RAB12: variants seen among roughly 807,000 people sequenced by gnomAD.
The protein encoded by RAB12 is RAB12, member RAS oncogene family, also known as ras-related protein Rab-12.
A neutral mutation model predicts 28.4 loss-of-function variants in RAB12; 11 were observed. That is an observed-to-expected ratio of 0.39 (90% CI 0.24 to 0.64). RAB12 has a LOEUF of 0.64. Among genes scored for constraint, RAB12 ranks in the 30% least tolerant of loss-of-function variants. The pLI, the probability that RAB12 is intolerant of heterozygous loss-of-function variation, is 0.50. For missense variants in RAB12, 276 were observed against 351.1 expected, an observed-to-expected ratio of 0.79 and a Z score of 1.71; for synonymous variants, 138 against 145.3, an observed-to-expected ratio of 0.95 and a Z score of 0.36.
At chr18:8,612,540 A>C (rs886554283) in intron 1 of RAB12, among the ~76,000 whole-genome samples, 1 of 152,222 alleles carries the variant, frequency 6.6e-6, no homozygotes, top group Non-Finnish European at 1.5e-5. Flanking sequence ...TCTGGGAAAG[A>C]CCGTGAGCCT....
intron 4 of RAB12, 46 bp from the exon 5 acceptor site, chr18:8,636,207 T>TGAGGG (rs755417345): frequency 4.9e-5 from 65 of 1,318,702 alleles, no homozygotes; most frequent in Non-Finnish European, 6.8e-5. Flanking sequence ...CGCACGCTGG[T>TGAGGG]CTGTGAGGCC....
rs1390058340 is a variant in RAB12, at chr18:8,633,288, A to G, written c.675A>G (p.Thr225=). The change falls in exon 3 of 6, where the codon ACA becomes ACG. Residue 225 remains threonine (T), a synonymous_variant. Coordinates refer to ENST00000649141, the MANE Select transcript of RAB12 (RefSeq NM_001025300.3). The part of the protein sequence containing the change: ...ILVYDITKKE[T]FDDLPKWMKM... ...TATATGATATCACTAAGAAGGAGAC[A>G]TTTGATGATTTGCCGAAATGGATGA... 6.2e-7 allele frequency: 1 copy of G among 1,614,110 alleles called. No homozygotes were observed. Among genetic ancestry groups the G allele is most frequent in the African/African-American group, 1.3e-5 (1 of 75,050 alleles).
chr18:8,629,567 T>C (rs1308071163), intron 2 of RAB12, among the ~76,000 whole-genome samples: 1 of 152,206 alleles, frequency 6.6e-6, no homozygotes, highest in Non-Finnish European at 1.5e-5. Flanking sequence ...ACCTCTGCCC[T>C]CCTCACCTTC....
chr18:8,637,970 T>G (rs944713528), intron 5 of RAB12, among the ~76,000 whole-genome samples, 179 bp from the exon 6 acceptor site: 5 of 152,040 alleles, frequency 3.3e-5, no homozygotes, highest in Admixed American at 3.3e-4. Context: ...TGCTGTCTCT[T>G]CCGGGTGGCA....
intron 1 of RAB12, among the ~76,000 whole-genome samples, chr18:8,621,635 A>C (rs1339725790): frequency 6.6e-6 from 1 of 151,646 alleles, no homozygotes; most frequent in Non-Finnish European, 1.5e-5. Context: ...CTTTTATTTT[A>C]GGGTCAGGGG....
intron 1 of RAB12, among the ~76,000 whole-genome samples, chr18:8,624,539 TTTGA>T (rs2148709015): frequency 6.6e-6 from 1 of 152,352 alleles, no homozygotes; most frequent in East Asian, 1.9e-4. Flanking sequence ...GTTGATTAAG[TTTGA>T]TTAAGTTTCC....
chr18:8,636,563 G>A (rs541016237), intron 5 of RAB12, among the ~76,000 whole-genome samples: 1 of 152,206 alleles, frequency 6.6e-6, no homozygotes, highest in Non-Finnish European at 1.5e-5. Flanking sequence ...TGTCCTTGGG[G>A]TTGGTATATG....
chr18:8,634,114 T>C (rs2096017503), intron 3 of RAB12, among the ~76,000 whole-genome samples: 1 of 152,130 alleles, frequency 6.6e-6, no homozygotes, highest in Admixed American at 6.5e-5. Context: ...TTACCAAGCA[T>C]GTCATTGATG....
At chr18:8,634,166 ATGGTG>A (rs2148711626) in intron 3 of RAB12, among the ~76,000 whole-genome samples, 1 of 142,168 alleles carries the variant, frequency 7.0e-6, no homozygotes, top group Non-Finnish European at 1.6e-5. Flanking sequence ...GTGGCCAGGC[ATGGTG>A]ACTCACACCT....
chr18:8,633,292 G>C lies in RAB12; in HGVS notation c.679G>C (p.Asp227His), dbSNP rs373725842. 2.0e-5 allele frequency: 33 copies of C among 1,613,962 alleles called. No homozygotes were observed. Among genetic ancestry groups the C allele is most frequent in the Non-Finnish European group, 2.0e-5 (24 of 1,180,022 alleles). The change falls in exon 3 of 6, where the codon GAT (aspartate) becomes CAT (histidine). Residue 227 changes from aspartate (D) to histidine (H), a missense_variant. By Grantham distance (81) the Asp-to-His change is moderately conservative. Around this residue, in one of 4 missense-constraint regions of RAB12, gnomAD observed 127 missense variants for 161.4 expected, o/e 0.79. Transcript: ENST00000649141. ...TGATATCACTAAGAAGGAGACATTTGATGATTTGCCGAAATGGATGAAGAT... is the reference window on the plus strand; with the variant it reads ...TGATATCACTAAGAAGGAGACATTTCATGATTTGCCGAAATGGATGAAGAT... ...VYDITKKETF[D>H]DLPKWMKMID...
At chr18:8,634,616 A>T (rs1385492666) in intron 3 of RAB12, among the ~76,000 whole-genome samples, 2 of 152,014 alleles carry the variant, frequency 1.3e-5, no homozygotes, top group East Asian at 3.9e-4. Flanking sequence ...TTGAGGTCTG[A>T]TGCTGTCTTC....
intron 1 of RAB12, among the ~76,000 whole-genome samples, chr18:8,622,985 T>C (rs1308622755): frequency 6.6e-6 from 1 of 152,252 alleles, no homozygotes; most frequent in African/African-American, 2.4e-5. Flanking sequence ...GTGATCTCTC[T>C]TGTTCCCTGA....
intron 1 of RAB12, among the ~76,000 whole-genome samples, chr18:8,615,821 A>G (rs1432344337): frequency 2.6e-5 from 4 of 152,238 alleles, no homozygotes; most frequent in East Asian, 1.9e-4. Flanking sequence ...GCTGAAGTGC[A>G]TTCAGCCTTT....
At position 8,609,652 on chromosome 18, in the gene RAB12, G is replaced by A. The variant is rs1208503282; in HGVS notation, c.213G>A (p.Gly71=). The change falls in exon 1 of 6, where the codon GGG becomes GGA. Residue 71 remains glycine (G), a synonymous_variant. Coordinates refer to ENST00000649141, the MANE Select transcript of RAB12 (RefSeq NM_001025300.3). ...CCCCGCGCGCGGCGGAGGCCGAGGG[G>A]GCGCCGGGGCCCGGGGCGCGCAGCC... ...ADPPRAAEAE[G]APGPGARSRG... The A allele has an allele frequency of 1.3e-6, 1 of 784,186 alleles. No individual in the cohort carries two copies. Among genetic ancestry groups the A allele is most frequent in the East Asian group, 1.3e-4 (1 of 7,726 alleles). 48.6% of individuals were successfully genotyped at this position (784,186 alleles called of 1,614,324 possible).
At chr18:8,618,759 G>C (rs367774823) in intron 1 of RAB12, among the ~76,000 whole-genome samples, 1 of 152,072 alleles carries the variant, frequency 6.6e-6, no homozygotes, top group African/African-American at 2.4e-5. Context: ...TGATCCACCC[G>C]CCTTGGCCTC....
Position 8,610,223 on chromosome 18 carries a change from C to A in RAB12, c.514+270C>A, listed in dbSNP as rs554225643. On this transcript the variant is annotated intron_variant, in intron 1 of 5. Coordinates refer to ENST00000649141, the MANE Select transcript of RAB12 (RefSeq NM_001025300.3). ...CCCCGGGGCCTGTGGGGGCGGCTCT[C>A]CACGGAAACTTCGGCCCTTAGCATA... Among the ~76,000 whole-genome samples the A allele has an allele frequency of 1.9e-3, 283 of 152,246 alleles. 1 individual carries two copies. Among genetic ancestry groups the A allele is most frequent in the Non-Finnish European group, 3.2e-3 (218 of 68,008 alleles).
At chr18:8,616,759 A>C (rs1206581866) in intron 1 of RAB12, among the ~76,000 whole-genome samples, 1 of 148,302 alleles carries the variant, frequency 6.7e-6, no homozygotes. Flanking sequence ...CATCTCCACA[A>C]AAAAAAAAAA....
At position 8,609,744 on chromosome 18, in the gene RAB12, C is replaced by T. The variant is rs1469634248; in HGVS notation, c.305C>T (p.Ala102Val). Residue 102 changes from alanine (A) to valine (V), a missense_variant, in exon 1 of 6, where the codon GCG (alanine) becomes GTG (valine). By Grantham distance (64) the Ala-to-Val change is moderately conservative (BLOSUM62 0). Coordinates refer to ENST00000649141, the MANE Select transcript of RAB12 (RefSeq NM_001025300.3). Reference protein sequence around the residue: ...EPHACMDPGAALQRRAGGGGG... With the variant: ...EPHACMDPGAVLQRRAGGGGG... Reference sequence around the variant, plus strand: ...CATGCGTGTATGGATCCGGGCGCCGCGCTGCAGAGGCGGGCCGGGGGCGGC... The same window carrying T: ...CATGCGTGTATGGATCCGGGCGCCGTGCTGCAGAGGCGGGCCGGGGGCGGC... 2 of 1,198,330 alleles carry T rather than the reference C, an allele frequency of 1.7e-6. No homozygotes were observed. The highest frequency in any genetic ancestry group is 3.7e-5 in the East Asian group (1 of 26,812). The allele number at this position is 1,198,330 out of a possible 1,614,324, so 74.2% of individuals were successfully genotyped here.
intron 1 of RAB12, among the ~76,000 whole-genome samples, chr18:8,618,777 G>T (rs755450859): frequency 3.3e-5 from 5 of 152,170 alleles, no homozygotes; most frequent in Admixed American, 2.0e-4. Context: ...CTCCCAAAGT[G>T]CTGGGATTAC....
Sources: gnomAD v4.1 joint callset for allele counts (sites outside exome capture counted in the v4.1 genomes callset) on GRCh38, gnomAD v4.1.1 for gene constraint, gnomAD v4.1.1 regional missense constraint, MANE v1.5 for transcripts, NCBI Gene and HGNC (gene_info 2026-07-23, HGNC 2026-07-21) for gene names.